Variants in SPAG4 observed in about 807,000 individuals in gnomAD.
SPAG4 encodes sperm-associated antigen 4 protein.
A neutral mutation model predicts 53.9 loss-of-function variants in SPAG4; 54 were observed. The observed-to-expected ratio is 1.00, with a 90% CI of 0.80 to 1.26. The LOEUF (loss-of-function observed/expected upper bound fraction) is 1.26. Among genes scored for constraint, SPAG4 ranks in the 50% most tolerant of loss-of-function variants. The probability of loss-of-function intolerance (pLI) is 0.00; values close to 1 mark genes in which losing one functional copy is unlikely to be tolerated. For synonymous variants in SPAG4, 246 were observed against 237.4 expected (o/e 1.04, Z -0.33); for missense variants, 548 against 568.6 (o/e 0.96, Z 0.37).
chr20:35,616,489 T>C lies in SPAG4; in HGVS notation c.304+182T>C, dbSNP rs908210055. 131 of 678,264 alleles carry C rather than the reference T, an allele frequency of 1.9e-4. 1 individual carries two copies. Among genetic ancestry groups the C allele is most frequent in the Non-Finnish European group, 2.3e-4 (129 of 550,346 alleles). The allele number at this position is 678,264 out of a possible 1,614,324, so 42.0% of individuals were successfully genotyped here. On this transcript the variant is annotated intron_variant, in intron 1 of 11. Coordinates refer to ENST00000374273, the MANE Select transcript of SPAG4 (RefSeq NM_003116.3). ...GGAGCCTCGGTGTCCTGGACGGTTATGGGAAGGGGCGGGGAAAATCTTGTG... is the reference window on the plus strand; with the variant it reads ...GGAGCCTCGGTGTCCTGGACGGTTACGGGAAGGGGCGGGGAAAATCTTGTG...
chr20:35,620,743 GA>G lies in SPAG4; in HGVS notation c.1140del (p.Lys380AsnfsTer20), dbSNP rs755544864. 6 of 1,607,452 alleles carry G rather than the reference GA, an allele frequency of 3.7e-6. No individual in the cohort carries two copies. Among genetic ancestry groups the G allele is most frequent in the Non-Finnish European group, 5.1e-6 (6 of 1,176,090 alleles). ...TGGGGAAATTCACCTTCGATGTTGA[GA>G]AATCGGAGATTCAGACTTTCCACCT... ...SLGKFTFDVE[K>X]SEIQTFHLQN... On this transcript the variant is annotated frameshift_variant, in exon 11 of 12. Coordinates refer to ENST00000374273, the MANE Select transcript of SPAG4 (RefSeq NM_003116.3). LOFTEE classifies it high-confidence loss of function.
At position 35,617,659 on chromosome 20, in the gene SPAG4, T is replaced by C. The variant is rs1271699891; in HGVS notation, c.476+73T>C. The C allele has an allele frequency of 1.9e-6, 3 of 1,586,146 alleles. No homozygotes were observed. In the African/African-American group the frequency reaches 4.0e-5, roughly 21 times the overall value. On this transcript the variant is annotated intron_variant, in intron 3 of 11. Coordinates refer to ENST00000374273, the MANE Select transcript of SPAG4 (RefSeq NM_003116.3). Reference sequence around the variant, plus strand: ...GTGGGGAGCAGGGCCGGAACCTTGCTGGCGCTTGAGCCGATTCAGATCTGA... The same window carrying C: ...GTGGGGAGCAGGGCCGGAACCTTGCCGGCGCTTGAGCCGATTCAGATCTGA...
rs116971868 is a variant in SPAG4, at chr20:35,616,326, C to T, written c.304+19C>T. 2,202 of 1,450,206 alleles carry T rather than the reference C, an allele frequency of 1.5e-3. 2 individuals are homozygous for T. Among genetic ancestry groups the T allele is most frequent in the Non-Finnish European group, 1.9e-3 (2,079 of 1,105,966 alleles). 89.8% of individuals were successfully genotyped at this position (1,450,206 alleles called of 1,614,324 possible). A position where few individuals can be genotyped will look rare whatever the true frequency, so the allele number is the denominator to read the frequency against. ...GCCTCGGGTGCGGGCGGGGTCGACC[C>T]CGGGTGAGCCAGTGGAGGGGGCGGG... is the stretch of plus-strand genomic sequence containing the variant. On this transcript the variant is annotated intron_variant, in intron 1 of 11. Transcript: ENST00000374273.
chr20:35,619,198 C>T lies in SPAG4; in HGVS notation c.797C>T (p.Ala266Val). Residue 266 changes from alanine (A) to valine (V), a missense_variant, in exon 9 of 12, where the codon GCC becomes GTC. Physicochemically the swap from Ala to Val is moderately conservative, Grantham distance 64. Transcript: ENST00000374273. ...GGGTTACTTCTCACTGTTCCAGGAG[C>T]CTCCATCGACCTGCAGAAGACATCC... is the stretch of plus-strand genomic sequence containing the variant. ...KPDYALSSVG[A>V]SIDLQKTSHD... 3 of 1,612,104 alleles carry T rather than the reference C, an allele frequency of 1.9e-6. No individual in the cohort carries two copies. The highest frequency in any genetic ancestry group is 2.5e-6 in the Non-Finnish European group (3 of 1,178,916).
At chr20:35,619,164 A>T in intron 8 of SPAG4, 31 bp from the exon 9 acceptor site, 1 of 1,266,200 alleles carries the variant, frequency 7.9e-7, no homozygotes, top group Non-Finnish European at 1.1e-6. Flanking sequence ...AAGGCCTGGG[A>T]GCCTCTGAGG....
intron 2 of SPAG4, 78 bp downstream of exon 2, chr20:35,617,318 GC>G: frequency 9.0e-7 from 1 of 1,105,040 alleles, no homozygotes. Context: ...TGAGCCCCCG[GC>G]CCCCGTTTGA....
chr20:35,618,281 G>C (rs917371154), intron 5 of SPAG4, 151 bp downstream of exon 5: 1 of 1,100,910 alleles, frequency 9.1e-7, no homozygotes. Flanking sequence ...AGACTTATGA[G>C]GGATTGTGCT....
At position 35,616,030 on chromosome 20, in the gene SPAG4, G is replaced by A; in HGVS notation, c.27G>A (p.Ser9=). MRRSSRPG[S]ASSSRKHTPN... Reference sequence around the variant, plus strand: ...TGCGGCGAAGCTCCCGCCCGGGCTCGGCCTCGTCCTCGCGCAAGCACACGC... The same window carrying A: ...TGCGGCGAAGCTCCCGCCCGGGCTCAGCCTCGTCCTCGCGCAAGCACACGC... The change falls in exon 1 of 12, where the codon TCG becomes TCA. Residue 9 remains serine, a synonymous_variant. Coordinates refer to ENST00000374273, the MANE Select transcript of SPAG4 (RefSeq NM_003116.3). 4.3e-6 allele frequency: 7 copies of A among 1,612,272 alleles called. No homozygotes were observed. The highest frequency in any genetic ancestry group is 5.9e-6 in the Non-Finnish European group (7 of 1,179,626).
Position 35,616,250 on chromosome 20 carries a change from C to A in SPAG4, c.247C>A (p.Arg83=). Residue 83 remains arginine, a synonymous_variant, in exon 1 of 12, where the codon CGG becomes AGG. Transcript: ENST00000374273. ...AGSSQQKPAP[R]SHNWQTACGA... is the part of the protein sequence containing the mutation. ...AAGCTCTCAGCAGAAGCCAGCGCCT[C>A]GGAGCCACAACTGGCAGACAGCCTG... 4 of 1,515,174 alleles carry A rather than the reference C, an allele frequency of 2.6e-6. No homozygotes were observed. In the South Asian group the frequency reaches 3.8e-5, roughly 14 times the overall value. The allele number at this position is 1,515,174 out of a possible 1,614,324, so 93.9% of individuals were successfully genotyped here.
intron 3 of SPAG4, 37 bp downstream of exon 3, chr20:35,617,623 C>G: frequency 6.2e-7 from 1 of 1,605,408 alleles, no homozygotes; most frequent in Non-Finnish European, 8.5e-7. Context: ...AGGAACAGCT[C>G]TTTGGAGGGG....
chr20:35,618,323 G>C, intron 5 of SPAG4, 127 bp from the exon 6 acceptor site: 1 of 1,241,560 alleles, frequency 8.1e-7, no homozygotes, highest in South Asian at 1.3e-5. Flanking sequence ...GATACTGGGA[G>C]GTCAAGGAGG....
chr20:35,615,932 G>A lies in SPAG4; in HGVS notation c.-72G>A. 4.7e-6 allele frequency: 7 copies of A among 1,492,738 alleles called. No homozygotes were observed. The highest frequency in any genetic ancestry group is 6.3e-6 in the Non-Finnish European group (7 of 1,104,586). 92.5% of individuals were successfully genotyped at this position (1,492,738 alleles called of 1,614,324 possible). On this transcript the variant is annotated 5_prime_UTR_variant, in exon 1 of 12. Coordinates refer to ENST00000374273, the MANE Select transcript of SPAG4 (RefSeq NM_003116.3). Reference sequence around the variant, plus strand: ...GGGGTCCCCGCGGCGCGCAGCGGCTGAAGGAGGCCCCAGGGCCTTGGCGAC... The same window carrying A: ...GGGGTCCCCGCGGCGCGCAGCGGCTAAAGGAGGCCCCAGGGCCTTGGCGAC...
At chr20:35,618,345 G>A in intron 5 of SPAG4, 105 bp from the exon 6 acceptor site, 1 of 1,436,030 alleles carries the variant, frequency 7.0e-7, no homozygotes, top group Non-Finnish European at 9.7e-7. Flanking sequence ...GTCGAGGAAA[G>A]GGGACACAGT....
chr20:35,618,256 G>C, intron 5 of SPAG4, 126 bp downstream of exon 5: 1 of 1,117,340 alleles, frequency 8.9e-7, no homozygotes, highest in Non-Finnish European at 1.3e-6. Context: ...CCTTAAGAAA[G>C]GGCTGGATAT....
chr20:35,621,008 C>A lies in SPAG4; in HGVS notation c.1300C>A (p.Gln434Lys), dbSNP rs1430386147. The change falls in exon 12 of 12, where the codon CAG becomes AAG. Residue 434 changes from glutamine (Q) to lysine (K), a missense_variant. Physicochemically the swap from Gln to Lys is moderately conservative, Grantham distance 53. Coordinates refer to ENST00000374273, the MANE Select transcript of SPAG4 (RefSeq NM_003116.3). ...CTCAGAGGGGGCAGAGGGCAGTGCA[C>A]AGGGGCCCCATTAAACATGCTGATT... ...RTSEGAEGSA[Q>K]GPH is the part of the protein sequence containing the mutation. The A allele has an allele frequency of 3.1e-6, 5 of 1,613,964 alleles. No individual in the cohort carries two copies. Among genetic ancestry groups the A allele is most frequent in the Non-Finnish European group, 4.2e-6 (5 of 1,179,828 alleles).
intron 6 of SPAG4, 54 bp from the exon 7 acceptor site, chr20:35,618,558 A>AGG: frequency 6.3e-7 from 1 of 1,599,494 alleles, no homozygotes; most frequent in South Asian, 1.1e-5. Flanking sequence ...GGCCTTTGGG[A>AGG]GGTGTCCAGG....
chr20:35,619,716 C>T lies in SPAG4; in HGVS notation c.1047C>T (p.Ala349=). 6.2e-7 allele frequency: 1 copy of T among 1,611,354 alleles called. No individual in the cohort carries two copies. The highest frequency in any genetic ancestry group is 8.5e-7 in the Non-Finnish European group (1 of 1,177,996). ...CCAGCGTGGAGCACACCGGAGGAGC[C>T]AACAGCGCCCCCCGCGATTTCGCGG... is the stretch of plus-strand genomic sequence containing the variant. ...PPPSVEHTGG[A]NSAPRDFAVF... is the part of the protein sequence containing the mutation. Residue 349 remains alanine, a synonymous_variant, in exon 10 of 12, where the codon GCC becomes GCT. Transcript: ENST00000374273.
chr20:35,619,467 G>A (rs1251775134), intron 9 of SPAG4, 112 bp from the exon 10 acceptor site: 4 of 1,455,656 alleles, frequency 2.7e-6, no homozygotes, highest in Non-Finnish European at 3.8e-6. Context: ...GGGGCGGGCT[G>A]GAGGTGGAGC....
intron 10 of SPAG4, 72 bp downstream of exon 10, chr20:35,619,818 G>A (rs544034358): frequency 1.2e-5 from 17 of 1,455,006 alleles, no homozygotes; most frequent in Admixed American, 5.9e-5. Context: ...AACTGGTGCC[G>A]TTATCTGAGT....
Sources: allele counts gnomAD v4.1 joint callset, GRCh38; gene constraint gnomAD v4.1.1; transcripts MANE v1.5; gene names NCBI Gene and HGNC (gene_info 2026-07-23, HGNC 2026-07-21).